C2CD3: variants seen among roughly 807,000 people sequenced by gnomAD.
C2CD3 encodes the protein C2 domain-containing protein 3.
In C2CD3, 148 loss-of-function variants were observed where a neutral mutation model predicts 234.0. The ratio of observed to expected loss-of-function variants is 0.63; its 90% confidence interval spans 0.55 to 0.72. The LOEUF (loss-of-function observed/expected upper bound fraction) is 0.72, where lower values mean the gene tolerates loss of function less well. Ranked by LOEUF, C2CD3 falls within the 30% of genes least tolerant of loss-of-function variation. C2CD3 has a pLI of 0.00. For missense variants in C2CD3, 2,577 were observed against 2,811.5 expected (o/e 0.92, Z 1.89); for synonymous variants, 1,000 against 1,035.4 (o/e 0.97, Z 0.66).
chr11:74,139,738 T>G lies in C2CD3; in HGVS notation c.574A>C (p.Lys192Gln). The change falls in exon 4 of 33, where the codon AAG (lysine) becomes CAG (glutamine). Residue 192 changes from lysine (K) to glutamine (Q), a missense_variant. Physicochemically the swap from Lys to Gln is moderately conservative, Grantham distance 53. Transcript: ENST00000334126. ...TCAGTATTCTCTCTGAATCCCTGCT[T>G]AGATAAAAGCACATTTTCTGTCATG... ...TDMTENVLLS[K>Q]QGFRENTEPS... 1 of 1,613,668 alleles carries G rather than the reference T, an allele frequency of 6.2e-7. No individual in the cohort carries two copies. The highest frequency in any genetic ancestry group is 8.5e-7 in the Non-Finnish European group (1 of 1,179,584).
intron 2 of C2CD3, among the ~76,000 whole-genome samples, chr11:74,166,825 C>T (rs896957415): frequency 3.3e-5 from 5 of 152,222 alleles, no homozygotes; most frequent in Non-Finnish European, 5.9e-5. Flanking sequence ...GCTACTAGAC[C>T]GATCACTTTA....
chr11:74,030,302 G>A (rs996447013), intron 31 of C2CD3, among the ~76,000 whole-genome samples: 1 of 152,160 alleles, frequency 6.6e-6, no homozygotes, highest in African/African-American at 2.4e-5. Context: ...CTAGAATGGT[G>A]CCTCGATAAA....
At chr11:74,112,469 A>G (rs1956781998) in intron 11 of C2CD3, among the ~76,000 whole-genome samples, 1 of 152,188 alleles carries the variant, frequency 6.6e-6, no homozygotes, top group Non-Finnish European at 1.5e-5. Flanking sequence ...GTACATAAAA[A>G]TTAAAAACTT....
intron 32 of C2CD3, among the ~76,000 whole-genome samples, chr11:74,014,542 C>T (rs1026611961): frequency 2.6e-5 from 4 of 152,118 alleles, no homozygotes; most frequent in African/African-American, 4.8e-5. Context: ...TTGCGCCCAG[C>T]GAGAGTTGCG....
At chr11:74,096,887 G>A (rs1017651722) in intron 16 of C2CD3, among the ~76,000 whole-genome samples, 7 of 152,178 alleles carry the variant, frequency 4.6e-5, no homozygotes, top group Non-Finnish European at 8.8e-5. Flanking sequence ...GTTCATGCTT[G>A]TAATCCCAGC....
rs1338744033 is a variant in C2CD3 at position 74,138,822 on chromosome 11, T to C, written c.853A>G (p.Asn285Asp). Residue 285 changes from asparagine (N) to aspartate (D), a missense_variant, in exon 5 of 33, where the codon AAC becomes GAC. Transcript: ENST00000334126. ...ATTTGAGGCTGGAATTCAGAACTGT[T>C]CAGAAGGGACATCTGCTTCCGTGGA... is the stretch of plus-strand genomic sequence containing the variant. ...RAPRKQMSLL[N>D]SSEFQPQIRT... The C allele has an allele frequency of 6.2e-7, 1 of 1,614,042 alleles. No individual in the cohort carries two copies. The highest frequency in any genetic ancestry group is 1.1e-5 in the South Asian group (1 of 91,080).
At chr11:74,073,562 G>A (rs1954893074) in intron 24 of C2CD3, among the ~76,000 whole-genome samples, 1 of 147,872 alleles carries the variant, frequency 6.8e-6, no homozygotes, top group Non-Finnish European at 1.5e-5. Context: ...ACTGCAGCCT[G>A]GGCGACAGAG....
chr11:74,168,099 A>G (rs1856922912), intron 2 of C2CD3: 5 of 429,048 alleles, frequency 1.2e-5, no homozygotes, highest in Non-Finnish European at 2.1e-5. Flanking sequence ...AATTGTCTAT[A>G]AAACAGAGAA....
chr11:74,086,242 A>T (rs180748433), intron 20 of C2CD3, among the ~76,000 whole-genome samples: 49 of 152,360 alleles, frequency 3.2e-4, no homozygotes, highest in Admixed American at 3.2e-3. Context: ...GAACCATAGT[A>T]CATCTCAGTG....
chr11:74,157,737 G>C (rs1050733068), intron 3 of C2CD3, among the ~76,000 whole-genome samples: 2 of 152,020 alleles, frequency 1.3e-5, no homozygotes, highest in Non-Finnish European at 2.9e-5. Context: ...ATTTCTAAGG[G>C]GTTTGAATAT....
chr11:74,064,356 A>G (rs1954403243), intron 24 of C2CD3, among the ~76,000 whole-genome samples: 1 of 152,184 alleles, frequency 6.6e-6, no homozygotes, highest in Non-Finnish European at 1.5e-5. Context: ...TAGGAATCCA[A>G]CTTACAAGGG....
chr11:74,137,915 A>G lies in C2CD3; in HGVS notation c.955+805T>C, dbSNP rs778739336. 7.0e-4 allele frequency among the ~76,000 whole-genome samples: 107 copies of G among 152,314 alleles called. 1 individual carries two copies. The highest frequency in any genetic ancestry group is 2.2e-3 in the Admixed American group (34 of 15,304). ...TATTTTTTAAAGTAGGGAATCTAAGACAATTCAGTTGAAAAACTATAAACA... is the reference window on the plus strand; with the variant it reads ...TATTTTTTAAAGTAGGGAATCTAAGGCAATTCAGTTGAAAAACTATAAACA... On this transcript the variant is annotated intron_variant, in intron 5 of 32. Coordinates refer to ENST00000334126, the MANE Select transcript of C2CD3 (RefSeq NM_001286577.2).
At chr11:74,088,255 C>A (rs826056) in intron 20 of C2CD3, among the ~76,000 whole-genome samples, 1 of 152,056 alleles carries the variant, frequency 6.6e-6, no homozygotes, top group African/African-American at 2.4e-5. Context: ...CTGATCCCTA[C>A]AAAATCAGGG....
At chr11:74,113,964 T>C (rs1487012819) in intron 10 of C2CD3, 72 bp from the exon 11 acceptor site, 21 of 937,898 alleles carry the variant, frequency 2.2e-5, no homozygotes, top group Non-Finnish European at 3.0e-5. Flanking sequence ...AAATCCAACA[T>C]ATATTTGAAA....
chr11:74,103,718 A>C, intron 13 of C2CD3, 93 bp from the exon 14 acceptor site: 1 of 1,044,996 alleles, frequency 9.6e-7, no homozygotes, highest in South Asian at 1.6e-5. Context: ...ATTATTAGGA[A>C]ATGAATTAAC....
intron 14 of C2CD3, among the ~76,000 whole-genome samples, chr11:74,101,725 C>T (rs780294870): frequency 6.6e-6 from 1 of 151,030 alleles, no homozygotes; most frequent in African/African-American, 2.4e-5. Flanking sequence ...AGAAAGAGCA[C>T]ATATGAAGAT....
At chr11:74,056,254 A>G (rs1381027043) in intron 25 of C2CD3, among the ~76,000 whole-genome samples, 1 of 152,208 alleles carries the variant, frequency 6.6e-6, no homozygotes, top group African/African-American at 2.4e-5. Context: ...TAAACTTTAT[A>G]AAAGGTGATA....
At chr11:74,020,183 GGTAAAGAA>G (rs1952029888) in intron 32 of C2CD3, among the ~76,000 whole-genome samples, 1 of 152,208 alleles carries the variant, frequency 6.6e-6, no homozygotes, top group South Asian at 2.1e-4. Flanking sequence ...CTCACCTCAT[GGTAAAGAA>G]GTGCCATGTG....
intron 24 of C2CD3, among the ~76,000 whole-genome samples, chr11:74,059,858 C>T (rs1954147152): frequency 6.6e-6 from 1 of 152,098 alleles, no homozygotes; most frequent in Non-Finnish European, 1.5e-5. Flanking sequence ...TGGGGAATTC[C>T]CTTTCCTGGC....
Sources: allele counts gnomAD v4.1 joint callset (sites outside exome capture counted in the v4.1 genomes callset), GRCh38; gene constraint gnomAD v4.1.1; transcripts MANE v1.5; gene names NCBI Gene and HGNC (gene_info 2026-07-23, HGNC 2026-07-21).